Variants in KNTC1 observed in about 807,000 individuals in gnomAD.
KNTC1 encodes the protein kinetochore associated 1, also known as kinetochore-associated protein 1.
A neutral mutation model predicts 314.4 loss-of-function variants in KNTC1; 253 were observed. That is an observed-to-expected ratio of 0.80 (90% confidence interval 0.73 to 0.89). The LOEUF (loss-of-function observed/expected upper bound fraction) is 0.89. Among genes scored for constraint, KNTC1 ranks in the 40% least tolerant of loss-of-function variants. The pLI, the probability that KNTC1 is intolerant of heterozygous loss-of-function variation, is 0.00. For synonymous variants in KNTC1, 901 were observed against 901.4 expected, an observed-to-expected ratio of 1.00 and a Z score of 0.01; for missense variants, 2,475 against 2,572.9, an observed-to-expected ratio of 0.96 and a Z score of 0.82.
Position 122,590,734 on chromosome 12 carries a change from T to G in KNTC1, c.4127T>G (p.Leu1376Trp), listed in dbSNP as rs1355576785. The G allele has an allele frequency of 6.2e-7, 1 of 1,612,850 alleles. No individual in the cohort carries two copies. ...DKAWQNYDKI[L>W]AISLVGSELA... ...GCATGGCAGAATTACGACAAAATCTTGGTATGTCCTAAGGAAGCACACCTT... is the reference window on the plus strand; with the variant it reads ...GCATGGCAGAATTACGACAAAATCTGGGTATGTCCTAAGGAAGCACACCTT... Residue 1376 changes from leucine (L) to tryptophan (W), a missense_variant and splice_region_variant, in exon 41 of 64, where the codon TTG becomes TGG. Leu to Trp is a moderately conservative substitution (Grantham distance 61). Coordinates refer to ENST00000333479, the MANE Select transcript of KNTC1 (RefSeq NM_014708.6).
rs367983314 is a variant in KNTC1 at position 122,534,795 on chromosome 12, T to C, written c.250+11T>C. ...TGCATCTTGTCTTTGGTAAGTATAATGTAGTGAATGAAGTAAGATAAATTG... is the reference window on the plus strand; with the variant it reads ...TGCATCTTGTCTTTGGTAAGTATAACGTAGTGAATGAAGTAAGATAAATTG... On this transcript the variant is annotated intron_variant, in intron 3 of 63. Coordinates refer to ENST00000333479, the MANE Select transcript of KNTC1 (RefSeq NM_014708.6). 8.6e-5 allele frequency: 138 copies of C among 1,611,028 alleles called. No individual in the cohort carries two copies. Among genetic ancestry groups the C allele is most frequent in the Non-Finnish European group, 1.1e-4 (133 of 1,177,882 alleles).
chr12:122,618,354 C>T lies in KNTC1; in HGVS notation c.6042C>T (p.Phe2014=). ...ACTTGTTTTCACAGGTTCCCTACTT[C>T]AGCAAAGCGTGGCAGCGTGTGATAC... ...SIHSLWQVPY[F]SKAWQRVIQI... Residue 2014 remains phenylalanine, a synonymous_variant, in exon 58 of 64, where the codon TTC becomes TTT. Coordinates refer to ENST00000333479, the MANE Select transcript of KNTC1 (RefSeq NM_014708.6). 1.2e-6 allele frequency: 2 copies of T among 1,613,656 alleles called. No individual in the cohort carries two copies. Among genetic ancestry groups the T allele is most frequent in the African/African-American group, 1.3e-5 (1 of 75,054 alleles).
At chr12:122,533,888 C>T (rs1281971811) in intron 2 of KNTC1, among the ~76,000 whole-genome samples, 1 of 150,556 alleles carries the variant, frequency 6.6e-6, no homozygotes, top group Non-Finnish European at 1.5e-5. Flanking sequence ...AAGCCCTTTA[C>T]GTGAATTCGT....
chr12:122,613,292 C>T (rs1261626354), intron 54 of KNTC1, 62 bp downstream of exon 54: 29 of 1,075,232 alleles, frequency 2.7e-5, no homozygotes, highest in South Asian at 1.4e-5. Context: ...TGGAGCTGTA[C>T]CTTTTAAGCC....
chr12:122,623,661 C>T (rs1566025523), intron 62 of KNTC1, among the ~76,000 whole-genome samples: 1 of 152,176 alleles, frequency 6.6e-6, no homozygotes, highest in Non-Finnish European at 1.5e-5. Flanking sequence ...AAAGTTTCCT[C>T]ATGCCCTCTG....
chr12:122,548,703 C>T (rs762380518), intron 12 of KNTC1, among the ~76,000 whole-genome samples: 1 of 152,060 alleles, frequency 6.6e-6, no homozygotes, highest in Non-Finnish European at 1.5e-5. Context: ...TGCGTTGGCT[C>T]ACACCTGTAA....
At position 122,590,557 on chromosome 12, in the gene KNTC1, T is replaced by A. The variant is rs770085133; in HGVS notation, c.4000-50T>A. 8 of 1,550,368 alleles carry A rather than the reference T, an allele frequency of 5.2e-6. No individual in the cohort carries two copies. In the South Asian group the frequency reaches 9.9e-5, roughly 19 times the overall value. On this transcript the variant is annotated intron_variant, in intron 40 of 63. Coordinates refer to ENST00000333479, the MANE Select transcript of KNTC1 (RefSeq NM_014708.6). Reference sequence around the variant, plus strand: ...TCTGCCCTTTGTGAACAAAGTTAATTCTGTTTTGATTGTGAAGAATTTGCT... The same window carrying A: ...TCTGCCCTTTGTGAACAAAGTTAATACTGTTTTGATTGTGAAGAATTTGCT...
At chr12:122,530,345 T>G (rs989715354) in intron 2 of KNTC1, among the ~76,000 whole-genome samples, 153 bp downstream of exon 2, 2 of 152,180 alleles carry the variant, frequency 1.3e-5, no homozygotes, top group Non-Finnish European at 1.5e-5. Flanking sequence ...CACGTCTGAA[T>G]ACCCTCTGCA....
chr12:122,535,963 G>A (rs1236706249), intron 3 of KNTC1, among the ~76,000 whole-genome samples: 2 of 145,062 alleles, frequency 1.4e-5, no homozygotes, highest in Admixed American at 7.1e-5. Context: ...GCACAATCTC[G>A]GCTCACTGCA....
chr12:122,531,826 C>G (rs1169917558), intron 2 of KNTC1, among the ~76,000 whole-genome samples: 2 of 150,034 alleles, frequency 1.3e-5, no homozygotes, highest in East Asian at 2.0e-4. Context: ...CTCTGCCTCC[C>G]AGGTTCACGC....
chr12:122,582,170 G>A (rs1372369840), intron 33 of KNTC1, among the ~76,000 whole-genome samples: 1 of 152,074 alleles, frequency 6.6e-6, no homozygotes, highest in African/African-American at 2.4e-5. Context: ...TAATCCCAAC[G>A]CTTTGGGAGA....
chr12:122,577,559 T>G (rs1965111104), intron 30 of KNTC1, 113 bp from the exon 31 acceptor site: 2 of 1,051,344 alleles, frequency 1.9e-6, no homozygotes, highest in Non-Finnish European at 2.7e-6. Context: ...TGAACCATAA[T>G]CTGTTTTTCC....
At chr12:122,544,080 T>G in intron 7 of KNTC1, 79 bp from the exon 8 acceptor site, 1 of 616,040 alleles carries the variant, frequency 1.6e-6, no homozygotes, top group Non-Finnish European at 2.7e-6. Context: ...TATAACTGAT[T>G]GATATCAACT....
chr12:122,541,648 TTCTG>T (rs1162976185), intron 5 of KNTC1, among the ~76,000 whole-genome samples: 5 of 132,968 alleles, frequency 3.8e-5, no homozygotes, highest in East Asian at 4.7e-4. Context: ...CCCCGCCTCT[TTCTG>T]TCTTTCTCTC....
At chr12:122,596,658 T>C (rs1297191630) in intron 43 of KNTC1, among the ~76,000 whole-genome samples, 1 of 151,786 alleles carries the variant, frequency 6.6e-6, no homozygotes. Flanking sequence ...CTTGGTGACA[T>C]AGTGAGAGCC....
At chr12:122,550,066 CAT>C (rs1224218577) in intron 13 of KNTC1, among the ~76,000 whole-genome samples, 1 of 151,580 alleles carries the variant, frequency 6.6e-6, no homozygotes, top group Non-Finnish European at 1.5e-5. Flanking sequence ...GGTTAGTCAT[CAT>C]ATTAAAAAAA....
chr12:122,537,204 CT>C (rs924368027), intron 3 of KNTC1, among the ~76,000 whole-genome samples: 3 of 152,174 alleles, frequency 2.0e-5, no homozygotes, highest in African/African-American at 7.2e-5. Context: ...TTTCCTTGAG[CT>C]GTGTCCACCA....
intron 42 of KNTC1, chr12:122,593,266 CTT>C (rs369511482): frequency 7.0e-4 from 97 of 139,224 alleles, no homozygotes; most frequent in East Asian, 1.2e-3. Context: ...TTCTTTTTTT[CTT>C]TTTTTTTTTT....
At chr12:122,538,026 T>C (rs1961983256) in intron 3 of KNTC1, among the ~76,000 whole-genome samples, 1 of 152,018 alleles carries the variant, frequency 6.6e-6, no homozygotes, top group Non-Finnish European at 1.5e-5. Context: ...CCCAGCTACC[T>C]GGGAGGCTGA....
Sources: gnomAD v4.1 joint callset for allele counts (sites outside exome capture counted in the v4.1 genomes callset) on GRCh38, gnomAD v4.1.1 for gene constraint, MANE v1.5 for transcripts, NCBI Gene and HGNC (gene_info 2026-07-23, HGNC 2026-07-21) for gene names.